Variants in SYBU observed in about 807,000 individuals in gnomAD.
The protein encoded by SYBU is GOLSYN A protein.
In SYBU, 21 loss-of-function variants were observed where a neutral mutation model predicts 35.9. The observed-to-expected ratio is 0.58, with a 90% confidence interval of 0.41 to 0.84. The LOEUF (loss-of-function observed/expected upper bound fraction) is 0.84, where lower values mean the gene tolerates loss of function less well. Ranked by LOEUF, SYBU falls within the 40% of genes least tolerant of loss-of-function variation. SYBU has a pLI of 0.00. For missense variants in SYBU, 768 were observed against 848.2 expected, an observed-to-expected ratio of 0.91 and a Z score of 1.17; for synonymous variants, 319 against 324.3, an observed-to-expected ratio of 0.98 and a Z score of 0.18.
chr8:109,642,538 C>G (rs1344963161), intron 2 of SYBU, among the ~76,000 whole-genome samples, 190 bp downstream of exon 2: 1 of 152,186 alleles, frequency 6.6e-6, no homozygotes. Flanking sequence ...GTGTGAGATT[C>G]CAATAAACTG....
At chr8:109,639,224 A>G (rs1326128886) in intron 2 of SYBU, among the ~76,000 whole-genome samples, 1 of 152,226 alleles carries the variant, frequency 6.6e-6, no homozygotes, top group Non-Finnish European at 1.5e-5. Flanking sequence ...ACCATCCACT[A>G]TCATGAATTT....
Position 109,575,850 on chromosome 8 carries a change from C to T in SYBU, c.1048G>A (p.Asp350Asn). The change falls in exon 7 of 7, where the codon GAT becomes AAT. Residue 350 changes from aspartate (D) to asparagine (N), a missense_variant. Asp to Asn is a conservative substitution (Grantham distance 23). Transcript: ENST00000276646. ...TATTTCTGAATGCCTTTATCTTTATCAGCCAAGCTGCTCCGCATGGTTTCG... is the reference window on the plus strand; with the variant it reads ...TATTTCTGAATGCCTTTATCTTTATTAGCCAAGCTGCTCCGCATGGTTTCG... ...VIETMRSSLA[D>N]KDKGIQKYFV... 1 of 1,614,004 alleles carries T rather than the reference C, an allele frequency of 6.2e-7. No homozygotes were observed. Among genetic ancestry groups the T allele is most frequent in the Non-Finnish European group, 8.5e-7 (1 of 1,179,982 alleles).
At chr8:109,664,124 T>C (rs16879906) in intron 1 of SYBU, among the ~76,000 whole-genome samples, 9,059 of 151,998 alleles carry the variant, frequency 0.06, 800 homozygotes, top group African/African-American at 0.19. Flanking sequence ...AGTAAATGAG[T>C]AAGATTTATA....
At chr8:109,610,765 T>A (rs1811082784) in intron 3 of SYBU, among the ~76,000 whole-genome samples, 1 of 152,210 alleles carries the variant, frequency 6.6e-6, no homozygotes, top group Non-Finnish European at 1.5e-5. Context: ...TTTATCCCTC[T>A]GGCCCCTTTT....
At chr8:109,686,127 T>G (rs918205577) in intron 1 of SYBU, among the ~76,000 whole-genome samples, 1 of 152,006 alleles carries the variant, frequency 6.6e-6, no homozygotes, top group Non-Finnish European at 1.5e-5. Flanking sequence ...TTGTAAGTCA[T>G]TAACTGGAAG....
intron 2 of SYBU, among the ~76,000 whole-genome samples, chr8:109,638,907 C>T (rs1472915397): frequency 2.0e-5 from 3 of 152,170 alleles, no homozygotes; most frequent in African/African-American, 7.2e-5. Context: ...TTTGGGGACA[C>T]ACCCCAAATG....
chr8:109,618,692 C>T (rs980699496), intron 3 of SYBU, 150 bp downstream of exon 3: 7 of 731,130 alleles, frequency 9.6e-6, no homozygotes. Flanking sequence ...AAATAGTCCA[C>T]TTTCCACCCT....
At chr8:109,673,256 T>A (rs1015202210) in intron 1 of SYBU, among the ~76,000 whole-genome samples, 1 of 152,090 alleles carries the variant, frequency 6.6e-6, no homozygotes, top group African/African-American at 2.4e-5. Flanking sequence ...TCCCAGCAAG[T>A]GTGAACAGAC....
chr8:109,644,752 G>A lies in SYBU; in HGVS notation c.-93C>T. ...GGAGCGAGGAGACTGCGCTGAGCCG[G>A]CGCGGGCTGCGGGCGGCGGCTCTTG... On this transcript the variant is annotated 5_prime_UTR_variant, in exon 1 of 7. Transcript: ENST00000276646. 8.1e-7 allele frequency: 1 copy of A among 1,231,180 alleles called. No homozygotes were observed. Among genetic ancestry groups the A allele is most frequent in the South Asian group, 2.1e-5 (1 of 47,888 alleles). 76.3% of individuals were successfully genotyped at this position (1,231,180 alleles called of 1,614,324 possible).
At chr8:109,668,961 G>T (rs962642344) in intron 1 of SYBU, among the ~76,000 whole-genome samples, 12 of 152,158 alleles carry the variant, frequency 7.9e-5, no homozygotes, top group African/African-American at 2.4e-4. Flanking sequence ...ATTTTTAAGT[G>T]CCTATGAAAG....
intron 2 of SYBU, among the ~76,000 whole-genome samples, chr8:109,622,601 T>A: frequency 6.6e-6 from 1 of 152,320 alleles, no homozygotes; most frequent in East Asian, 1.9e-4. Flanking sequence ...TATCTAATCT[T>A]ACCATACTAA....
intron 3 of SYBU, among the ~76,000 whole-genome samples, chr8:109,587,351 T>G (rs1823733997): frequency 6.6e-6 from 1 of 152,240 alleles, no homozygotes; most frequent in Non-Finnish European, 1.5e-5. Context: ...ATTGACATCT[T>G]TGTAAAATAG....
rs1821940567 is a variant in SYBU, at chr8:109,574,013, G to A, written c.*893C>T. 6.6e-6 allele frequency: 1 copy of A among 152,118 alleles called. No homozygotes were observed. The highest frequency in any genetic ancestry group is 2.4e-5 in the African/African-American group (1 of 41,424). The allele number at this position is 152,118 out of a possible 1,614,324, so 9.4% of individuals were successfully genotyped here. A position where few individuals can be genotyped will look rare whatever the true frequency, so the allele number is the denominator to read the frequency against. On this transcript the variant is annotated 3_prime_UTR_variant, in exon 7 of 7. Coordinates refer to ENST00000276646, the MANE Select transcript of SYBU (RefSeq NM_001099754.2). ...AACAAATCTACTTTTATTCAGAAAT[G>A]ATGCTTTTTAAGTAAGGGTAGGAAA...
At chr8:109,606,584 A>C (rs1035650887) in intron 3 of SYBU, among the ~76,000 whole-genome samples, 2 of 152,168 alleles carry the variant, frequency 1.3e-5, no homozygotes, top group Non-Finnish European at 2.9e-5. Context: ...TGTCATCCAC[A>C]TGGTTTCCAG....
chr8:109,603,684 G>T (rs972995517), intron 3 of SYBU, among the ~76,000 whole-genome samples: 1 of 152,204 alleles, frequency 6.6e-6, no homozygotes, highest in Non-Finnish European at 1.5e-5. Context: ...AAGAGTGTTT[G>T]CATGGCAGTA....
intron 2 of SYBU, among the ~76,000 whole-genome samples, chr8:109,641,560 C>G (rs1018869569): frequency 6.6e-6 from 1 of 152,224 alleles, no homozygotes; most frequent in African/African-American, 2.4e-5. Context: ...CTTGACAGAT[C>G]ACAAAGCCTG....
chr8:109,580,131 G>T, intron 4 of SYBU, 129 bp from the exon 5 acceptor site: 1 of 868,206 alleles, frequency 1.2e-6, no homozygotes, highest in Non-Finnish European at 1.8e-6. Flanking sequence ...TATTCGTGTA[G>T]ACTGTCCTTA....
intron 3 of SYBU, among the ~76,000 whole-genome samples, chr8:109,614,839 G>A (rs528382027): frequency 3.7e-4 from 56 of 152,342 alleles, no homozygotes; most frequent in African/African-American, 1.2e-3. Flanking sequence ...TTAAGTGATA[G>A]AAGCCAAAAT....
chr8:109,690,350 A>G (rs1817619223), intron 1 of SYBU, among the ~76,000 whole-genome samples: 1 of 152,192 alleles, frequency 6.6e-6, no homozygotes, highest in African/African-American at 2.4e-5. Context: ...TGGGGAGGAA[A>G]AGGCAAACAT....
Sources: allele counts gnomAD v4.1 joint callset (sites outside exome capture counted in the v4.1 genomes callset), GRCh38; gene constraint gnomAD v4.1.1; transcripts MANE v1.5; gene names NCBI Gene and HGNC (gene_info 2026-07-23, HGNC 2026-07-21).